The following STAC variants were observed in gnomAD, a reference collection of about 807,000 sequenced individuals.
STAC encodes the protein SH3 and cysteine-rich domain-containing protein.
A neutral mutation model predicts 48.8 loss-of-function variants in STAC; 43 were observed. The ratio of observed to expected loss-of-function variants is 0.88; its 90% CI spans 0.69 to 1.14. The LOEUF (loss-of-function observed/expected upper bound fraction) is 1.14, where lower values mean the gene tolerates loss of function less well. Among genes scored for constraint, STAC ranks in the 50% most tolerant of loss-of-function variants. The pLI, the probability that STAC is intolerant of heterozygous loss-of-function variation, is 0.00. For missense variants in STAC, 497 were observed against 504.0 expected (o/e 0.99, Z 0.13); for synonymous variants, 193 against 179.5 (o/e 1.07, Z -0.60).
intron 2 of STAC, among the ~76,000 whole-genome samples, chr3:36,450,236 T>A (rs1472954334): frequency 1.3e-5 from 2 of 152,164 alleles, no homozygotes; most frequent in South Asian, 4.1e-4. Context: ...AAACAGTCAT[T>A]AGTAAATGGG....
chr3:36,544,760 T>G (rs2125507162), intron 10 of STAC, among the ~76,000 whole-genome samples: 1 of 152,346 alleles, frequency 6.6e-6, no homozygotes, highest in South Asian at 2.1e-4. Context: ...TGAAGTCATG[T>G]CAAGGGACCT....
In STAC at chr3:36,547,064, CAG is replaced by C. The variant is rs1362761879; in HGVS notation, c.*780_*781del. 1 of 152,416 alleles carries C rather than the reference CAG, an allele frequency of 6.6e-6. No individual in the cohort carries two copies. The highest frequency in any genetic ancestry group is 1.9e-4 in the East Asian group (1 of 5,206). 9.4% of individuals were successfully genotyped at this position (152,416 alleles called of 1,614,324 possible). A position where few individuals can be genotyped will look rare whatever the true frequency, so the allele number is the denominator to read the frequency against. ...GGAGGAGAAGTGGGGAAAGGTGGAG[CAG>C]AGAGTTCTTACTTATTGAAGATTAT... is the stretch of plus-strand genomic sequence containing the variant. On this transcript the variant is annotated 3_prime_UTR_variant, in exon 11 of 11. Transcript: ENST00000273183.
At chr3:36,410,890 A>T (rs1575181328) in intron 1 of STAC, among the ~76,000 whole-genome samples, 1 of 152,200 alleles carries the variant, frequency 6.6e-6, no homozygotes, top group East Asian at 1.9e-4. Context: ...AGTTTGTGTG[A>T]TGTTTGGGAC....
chr3:36,380,788 A>C, intron 1 of STAC, 34 bp downstream of exon 1: 2 of 1,511,544 alleles, frequency 1.3e-6, no homozygotes, highest in Non-Finnish European at 1.8e-6. Context: ...GAGAACACAA[A>C]CTCACTCTCC....
chr3:36,545,680 A>C (rs1196571002), intron 10 of STAC, among the ~76,000 whole-genome samples: 1 of 152,228 alleles, frequency 6.6e-6, no homozygotes. Context: ...TTACTTTAGA[A>C]TATGGGAAAT....
At chr3:36,507,624 C>CATT (rs1698435844) in intron 8 of STAC, among the ~76,000 whole-genome samples, 1 of 152,086 alleles carries the variant, frequency 6.6e-6, no homozygotes, top group Non-Finnish European at 1.5e-5. Flanking sequence ...AGGGGTTTGA[C>CATT]TTCTTTCTGA....
chr3:36,407,486 A>G (rs1700108309), intron 1 of STAC, among the ~76,000 whole-genome samples: 1 of 152,196 alleles, frequency 6.6e-6, no homozygotes, highest in African/African-American at 2.4e-5. Context: ...TCAGAATTCC[A>G]TTTCATTAGC....
At chr3:36,431,762 T>C (rs894179195) in intron 1 of STAC, among the ~76,000 whole-genome samples, 2 of 152,116 alleles carry the variant, frequency 1.3e-5, no homozygotes, top group Non-Finnish European at 2.9e-5. Context: ...CACCCCAGAA[T>C]TTGTTTCCTC....
intron 2 of STAC, among the ~76,000 whole-genome samples, chr3:36,450,440 T>A (rs2125673926): frequency 6.6e-6 from 1 of 152,354 alleles, no homozygotes; most frequent in East Asian, 1.9e-4. Flanking sequence ...TCTTGATTTC[T>A]CCTTTGTGTT....
rs1344840865 is a variant in STAC at position 36,547,451 on chromosome 3, CTG to C, written c.*1164_*1165del. ...ATCATCTAGGGGAATCTCTATTACT[CTG>C]TACTTATACTAATGTTTACAAGAAT... On this transcript the variant is annotated 3_prime_UTR_variant, in exon 11 of 11. Coordinates refer to ENST00000273183, the MANE Select transcript of STAC (RefSeq NM_003149.3). The C allele has an allele frequency of 2.0e-5, 3 of 152,638 alleles. No individual in the cohort carries two copies. The highest frequency in any genetic ancestry group is 2.9e-5 in the Non-Finnish European group (2 of 68,034). The allele number at this position is 152,638 out of a possible 1,614,324, so 9.5% of individuals were successfully genotyped here.
chr3:36,389,086 C>T (rs888222967), intron 1 of STAC, among the ~76,000 whole-genome samples: 3 of 152,244 alleles, frequency 2.0e-5, no homozygotes, highest in Admixed American at 6.5e-5. Flanking sequence ...CATAGTATAT[C>T]TGTAGTTATT....
At chr3:36,430,729 C>G (rs750203555) in intron 1 of STAC, among the ~76,000 whole-genome samples, 2 of 152,160 alleles carry the variant, frequency 1.3e-5, no homozygotes, top group Non-Finnish European at 2.9e-5. Flanking sequence ...GCTCTAGAGG[C>G]TAGAAGTCCA....
intron 7 of STAC, among the ~76,000 whole-genome samples, chr3:36,505,369 G>A (rs1174842013): frequency 6.6e-6 from 1 of 151,576 alleles, no homozygotes; most frequent in East Asian, 1.9e-4. Context: ...TTAATTTTAG[G>A]AAGTGAGAGT....
At chr3:36,383,470 C>T (rs1023632195) in intron 1 of STAC, among the ~76,000 whole-genome samples, 3 of 152,032 alleles carry the variant, frequency 2.0e-5, no homozygotes, top group Non-Finnish European at 4.4e-5. Flanking sequence ...ACCACCACCA[C>T]CCTACACATA....
intron 1 of STAC, among the ~76,000 whole-genome samples, chr3:36,438,450 G>A (rs1287444132): frequency 2.6e-5 from 4 of 152,058 alleles, no homozygotes; most frequent in Non-Finnish European, 4.4e-5. Flanking sequence ...GTAACATCAG[G>A]GTTTGCTTCT....
chr3:36,482,393 T>C (rs577770134), intron 2 of STAC, among the ~76,000 whole-genome samples: 1 of 152,304 alleles, frequency 6.6e-6, no homozygotes, highest in Non-Finnish European at 1.5e-5. Flanking sequence ...CACTCCATGA[T>C]AGCACCCTGT....
rs1462233325 is a variant in STAC at position 36,486,203 on chromosome 3, A to G, written c.641A>G (p.Lys214Arg). Residue 214 changes from lysine to arginine, a missense_variant, in exon 5 of 11, where the codon AAG becomes AGG. By Grantham distance (26) the Lys-to-Arg change is conservative. Transcript: ENST00000273183. ...GGCACCTCCCTGGCCCAGAGGACAA[A>G]GAAGGGCAGCTCCGGCAGTGGCTCT... ...RFGTSLAQRT[K>R]KGSSGSGSDS... The G allele has an allele frequency of 6.8e-6, 11 of 1,614,026 alleles. No individual in the cohort carries two copies. The highest frequency in any genetic ancestry group is 9.3e-6 in the Non-Finnish European group (11 of 1,179,954).
rs1421623306 is a variant in STAC, at chr3:36,547,723, G to T, written c.*1434G>T. Reference sequence around the variant, plus strand: ...TCATTCATCTCCATTTATTTCTTTTGTTCCCGCTCAGTGTGAAGTTGGGAA... The same window carrying T: ...TCATTCATCTCCATTTATTTCTTTTTTTCCCGCTCAGTGTGAAGTTGGGAA... On this transcript the variant is annotated 3_prime_UTR_variant, in exon 11 of 11. Transcript: ENST00000273183. 6.6e-6 allele frequency: 1 copy of T among 152,254 alleles called. No individual in the cohort carries two copies. Among genetic ancestry groups the T allele is most frequent in the Non-Finnish European group, 1.5e-5 (1 of 68,020 alleles). 9.4% of individuals were successfully genotyped at this position (152,254 alleles called of 1,614,324 possible).
At chr3:36,461,822 A>AACAGAGAG (rs1456103747) in intron 2 of STAC, among the ~76,000 whole-genome samples, 2 of 152,164 alleles carry the variant, frequency 1.3e-5, no homozygotes, top group Non-Finnish European at 2.9e-5. Context: ...GTGGGTCTAA[A>AACAGAGAG]ACAGAGAGAA....
Sources: gnomAD v4.1 joint callset for allele counts (sites outside exome capture counted in the v4.1 genomes callset) on GRCh38, gnomAD v4.1.1 for gene constraint, MANE v1.5 for transcripts, NCBI Gene and HGNC (gene_info 2026-07-23, HGNC 2026-07-21) for gene names.